The following MPRIP variants were observed in gnomAD, a reference collection of about 807,000 sequenced individuals.
MPRIP encodes the protein myosin phosphatase Rho interacting protein, also known as myosin phosphatase Rho-interacting protein.
Under a neutral mutation model 234.9 loss-of-function variants are expected in MPRIP, and 59 were observed. The observed-to-expected ratio is 0.25, with a 90% CI of 0.20 to 0.31. MPRIP has a LOEUF of 0.31. Ranked by LOEUF, MPRIP falls within the 10% of genes least tolerant of loss-of-function variation. The probability of loss-of-function intolerance (pLI) is 1.00; values close to 1 mark genes in which losing one functional copy is unlikely to be tolerated. For synonymous variants in MPRIP, 1,144 were observed against 1,263.9 expected (o/e 0.91, Z 2.01); for missense variants, 2,436 against 3,071.0 (o/e 0.79, Z 4.89).
At chr17:17,065,947 C>T (rs139255662) in intron 1 of MPRIP, among the ~76,000 whole-genome samples, 9 of 152,200 alleles carry the variant, frequency 5.9e-5, no homozygotes, top group South Asian at 4.1e-4. Context: ...TTGATGTCCA[C>T]GTGTCCGTTG....
intron 14 of MPRIP, among the ~76,000 whole-genome samples, chr17:17,159,389 A>T (rs2045813206): frequency 6.6e-6 from 1 of 152,242 alleles, no homozygotes; most frequent in African/African-American, 2.4e-5. Context: ...TCAAAGCTGT[A>T]GGCAGAGACC....
chr17:17,111,777 T>C (rs998097686), intron 3 of MPRIP, among the ~76,000 whole-genome samples: 7 of 152,166 alleles, frequency 4.6e-5, no homozygotes, highest in Admixed American at 3.9e-4. Flanking sequence ...GTGTGATGTC[T>C]GGTCAGACCT....
chr17:17,067,718 T>C (rs1409221750), intron 1 of MPRIP, among the ~76,000 whole-genome samples: 2 of 151,970 alleles, frequency 1.3e-5, no homozygotes, highest in African/African-American at 4.8e-5. Flanking sequence ...GTAATTTGTT[T>C]GGTTTTGGTG....
At chr17:17,102,209 C>T (rs1385374345) in intron 3 of MPRIP, among the ~76,000 whole-genome samples, 1 of 152,140 alleles carries the variant, frequency 6.6e-6, no homozygotes, top group African/African-American at 2.4e-5. Flanking sequence ...CTTTATGGGC[C>T]ACTCCTGTCT....
chr17:17,126,141 C>T (rs1442460647), intron 3 of MPRIP, among the ~76,000 whole-genome samples: 1 of 152,196 alleles, frequency 6.6e-6, no homozygotes, highest in Non-Finnish European at 1.5e-5. Flanking sequence ...TTACTGTTTG[C>T]CATGCCAGAG....
intron 2 of MPRIP, 107 bp from the exon 3 acceptor site, chr17:17,077,904 A>G: frequency 9.4e-7 from 1 of 1,058,560 alleles, no homozygotes; most frequent in Non-Finnish European, 1.5e-6. Context: ...GAATCTGTGG[A>G]GTGACCTTCC....
Position 17,167,624 on chromosome 17 carries a change from G to A in MPRIP, c.6033G>A (p.Thr2011=), listed in dbSNP as rs970966590. 2.0e-5 allele frequency: 26 copies of A among 1,304,136 alleles called. No individual in the cohort carries two copies. The highest frequency in any genetic ancestry group is 7.6e-5 in the African/African-American group (5 of 65,846). The allele number at this position is 1,304,136 out of a possible 1,614,324, so 80.8% of individuals were successfully genotyped here. A position where few individuals can be genotyped will look rare whatever the true frequency, so the allele number is the denominator to read the frequency against. ...RFQLKVRELQ[T]IHEEELRTLQ... is the part of the protein sequence containing the mutation. ...AGCTCAAGGTCCGGGAGCTGCAGAC[G>A]ATCCACGAGGAGGAGCTGAGGACCC... is the stretch of plus-strand genomic sequence containing the variant. Residue 2011 remains threonine, a synonymous_variant, in exon 16 of 24, where the codon ACG becomes ACA. Coordinates refer to ENST00000651222, the MANE Select transcript of MPRIP (RefSeq NM_001364716.4). The surrounding 1 kb of genome is among the most constrained non-coding windows in gnomAD (Gnocchi z 5.9).
At position 17,167,657 on chromosome 17, in the gene MPRIP, G is replaced by A. The variant is rs1188401332; in HGVS notation, c.6066G>A (p.Glu2022=). The A allele has an allele frequency of 1.5e-6, 2 of 1,304,290 alleles. No individual in the cohort carries two copies. 80.8% of individuals were successfully genotyped at this position (1,304,290 alleles called of 1,614,324 possible). A position where few individuals can be genotyped will look rare whatever the true frequency, so the allele number is the denominator to read the frequency against. ...IHEEELRTLQ[E]HYSQSLRCLQ... is the part of the protein sequence containing the mutation. ...AGGAGGAGCTGAGGACCCTGCAGGA[G>A]CACTACTCGCAGAGCCTGAGGTGCC... The change falls in exon 16 of 24, where the codon GAG becomes GAA. Residue 2022 remains glutamate, a synonymous_variant. Coordinates refer to ENST00000651222, the MANE Select transcript of MPRIP (RefSeq NM_001364716.4). The surrounding 1 kb of genome is among the most constrained non-coding windows in gnomAD (Gnocchi z 5.9).
intron 7 of MPRIP, chr17:17,142,394 G>A (rs1342434992): frequency 8.3e-6 from 4 of 481,872 alleles, no homozygotes; most frequent in African/African-American, 3.9e-5. Context: ...AGCCTGCAGG[G>A]CCTCTAGCGC....
At chr17:17,137,855 T>G in intron 6 of MPRIP, 61 bp from the exon 7 acceptor site, 2 of 1,449,200 alleles carry the variant, frequency 1.4e-6, no homozygotes, top group South Asian at 2.9e-5. Flanking sequence ...AAAAAAAAAG[T>G]CCTCAAAGCA....
At chr17:17,052,406 T>C (rs2088569097) in intron 1 of MPRIP, among the ~76,000 whole-genome samples, 3 of 152,188 alleles carry the variant, frequency 2.0e-5, no homozygotes, top group Admixed American at 2.0e-4. Flanking sequence ...CTGCTGGGGC[T>C]GTCTGCACCT....
intron 2 of MPRIP, chr17:17,077,789 C>A: frequency 4.3e-6 from 2 of 460,100 alleles, no homozygotes; most frequent in Non-Finnish European, 8.0e-6. Flanking sequence ...TATTAAGCCT[C>A]AATCACTCAT....
chr17:17,161,709 C>T (rs1425307018), intron 15 of MPRIP, among the ~76,000 whole-genome samples: 3 of 152,212 alleles, frequency 2.0e-5, no homozygotes, highest in African/African-American at 7.2e-5. Flanking sequence ...ATAGTTTTCA[C>T]TATAGTAATA....
At chr17:17,092,293 C>A (rs1374886683) in intron 3 of MPRIP, among the ~76,000 whole-genome samples, 1 of 152,192 alleles carries the variant, frequency 6.6e-6, no homozygotes, top group Non-Finnish European at 1.5e-5. Flanking sequence ...GTGTTATAGT[C>A]GTGTTAAATG....
In MPRIP at chr17:17,171,840, C is replaced by T. The variant is rs748600297; in HGVS notation, c.6447C>T (p.Ala2149=). 6.8e-6 allele frequency: 11 copies of T among 1,612,956 alleles called. No homozygotes were observed. The highest frequency in any genetic ancestry group is 2.2e-5 in the East Asian group (1 of 44,844). The part of the protein sequence containing the change: ...KLREEKDRLL[A]EETAATISAI... ...GAGAAGAGAAAGACCGCCTCCTAGC[C>T]GAGGAGACAGCGGCCACCATCTCAG... The change falls in exon 17 of 24, where the codon GCC becomes GCT. Residue 2149 remains alanine, a synonymous_variant. Coordinates refer to ENST00000651222, the MANE Select transcript of MPRIP (RefSeq NM_001364716.4).
intron 17 of MPRIP, among the ~76,000 whole-genome samples, chr17:17,172,353 C>A (rs17794784): frequency 2.0e-5 from 3 of 152,230 alleles, no homozygotes; most frequent in Admixed American, 6.5e-5. Flanking sequence ...AATTTAGTTC[C>A]AAGGAAGAAA....
At position 17,042,804 on chromosome 17, in the gene MPRIP, C is replaced by T. The variant is rs532186196; in HGVS notation, c.-45C>T. ...AGCCCGCCGGGAGCGCCAGGCCGGC[C>T]AGGCCTGCGCCGCCGCCGCCGCCGC... On this transcript the variant is annotated 5_prime_UTR_variant, in exon 1 of 24. The change creates a premature stop within an existing upstream ORF in the 5' untranslated region. Transcript: ENST00000651222. 4.0e-5 allele frequency: 48 copies of T among 1,205,232 alleles called. No individual in the cohort carries two copies. In the African/African-American group the frequency reaches 7.8e-4, roughly 20 times the overall value. The allele number at this position is 1,205,232 out of a possible 1,614,324, so 74.7% of individuals were successfully genotyped here.
intron 3 of MPRIP, among the ~76,000 whole-genome samples, chr17:17,082,449 C>T (rs1317849825): frequency 2.0e-5 from 3 of 151,926 alleles, no homozygotes; most frequent in Non-Finnish European, 4.4e-5. Flanking sequence ...GCATGGGCCA[C>T]CATGCCCAGC....
At chr17:17,072,282 C>T (rs1285014951) in intron 1 of MPRIP, among the ~76,000 whole-genome samples, 2 of 152,116 alleles carry the variant, frequency 1.3e-5, no homozygotes, top group African/African-American at 4.8e-5. Context: ...GAGTCAGGAC[C>T]TAGGTTATGT....
Sources: allele counts gnomAD v4.1 joint callset (sites outside exome capture counted in the v4.1 genomes callset), GRCh38; gene constraint gnomAD v4.1.1; non-coding constraint Gnocchi (gnomAD v3.1); transcripts MANE v1.5; gene names NCBI Gene and HGNC (gene_info 2026-07-23, HGNC 2026-07-21).